TBC1D5: variants seen among roughly 807,000 people sequenced by gnomAD.
TBC1D5 encodes TBC1 domain family, member 5.
A neutral mutation model predicts 100.3 loss-of-function variants in TBC1D5; 75 were observed. The observed-to-expected ratio is 0.75, with a 90% CI of 0.62 to 0.91. The LOEUF is 0.91. Ranked by LOEUF, TBC1D5 falls within the 40% of genes least tolerant of loss-of-function variation. The pLI, the probability that TBC1D5 is intolerant of heterozygous loss-of-function variation, is 0.00. For synonymous variants in TBC1D5, 323 were observed against 325.6 expected, an observed-to-expected ratio of 0.99 and a Z score of 0.09; for missense variants, 910 against 942.4, an observed-to-expected ratio of 0.97 and a Z score of 0.45.
rs181570312 is a variant in TBC1D5, at chr3:17,316,879, T to C, written c.996-8745A>G. On this transcript the variant is annotated intron_variant, in intron 13 of 21. Transcript: ENST00000253692. ...CCCTGATTTGATCATAAGACTGGTA[T>C]GAAAAACTGAGAATCTTCATTTAAC... Among the ~76,000 whole-genome samples, 973 of 152,340 alleles carry C rather than the reference T, an allele frequency of 6.4e-3. 4 individuals carry two copies. Among genetic ancestry groups the C allele is most frequent in the Non-Finnish European group, 9.9e-3 (675 of 68,030 alleles).
At chr3:17,683,131 G>C (rs1453806834) in intron 1 of TBC1D5, among the ~76,000 whole-genome samples, 1 of 151,312 alleles carries the variant, frequency 6.6e-6, no homozygotes, top group South Asian at 2.1e-4. Flanking sequence ...TTGCTTTCTT[G>C]TCCTTTTTAT....
At chr3:17,574,318 C>A (rs1195157149) in intron 2 of TBC1D5, among the ~76,000 whole-genome samples, 4 of 152,004 alleles carry the variant, frequency 2.6e-5, no homozygotes, top group Admixed American at 1.3e-4. Context: ...GAATCTGTTG[C>A]CCTCTCTGCT....
At chr3:17,234,843 G>A (rs1188089553) in intron 17 of TBC1D5, among the ~76,000 whole-genome samples, 1 of 151,984 alleles carries the variant, frequency 6.6e-6, no homozygotes, top group Non-Finnish European at 1.5e-5. Flanking sequence ...CAGCTAATCC[G>A]GAAACTGTTA....
rs137970617 is a variant in TBC1D5 at position 17,306,660 on chromosome 3, G to A, written c.1138+1332C>T. ...TGCCAAAGTCAAAAAAGAGCAAATT[G>A]TAAACTGTTTACAATTACAGAAAAT... On this transcript the variant is annotated intron_variant, in intron 14 of 21. Coordinates refer to ENST00000253692, the Ensembl canonical transcript of TBC1D5. Among the ~76,000 whole-genome samples the A allele has an allele frequency of 5.6e-3, 860 of 152,214 alleles. 3 individuals carry two copies. The highest frequency in any genetic ancestry group is 0.014 in the Middle Eastern group (4 of 294).
chr3:17,721,217 G>T (rs2075671643), intron 1 of TBC1D5, among the ~76,000 whole-genome samples: 1 of 151,918 alleles, frequency 6.6e-6, no homozygotes, highest in Admixed American at 6.6e-5. Flanking sequence ...AAAAATCTAG[G>T]TCTATCAAAT....
intron 3 of TBC1D5, among the ~76,000 whole-genome samples, chr3:17,444,732 C>T (rs2094744818): frequency 6.6e-6 from 1 of 151,930 alleles, no homozygotes; most frequent in African/African-American, 2.4e-5. Context: ...AATATAAAGC[C>T]ACACATAATT....
chr3:17,258,720 G>A (rs1170950796), intron 15 of TBC1D5, 129 bp from the exon 16 acceptor site: 22 of 578,926 alleles, frequency 3.8e-5, no homozygotes, highest in Non-Finnish European at 3.0e-5. Flanking sequence ...AATAATTAGT[G>A]TGATTGGGTT....
chr3:17,652,348 A>C (rs1353392397), intron 1 of TBC1D5, among the ~76,000 whole-genome samples: 2 of 152,150 alleles, frequency 1.3e-5, no homozygotes, highest in Admixed American at 1.3e-4. Flanking sequence ...AATTATTTAT[A>C]AAGGAAGGCT....
At chr3:17,593,121 T>C (rs2060339174) in intron 2 of TBC1D5, among the ~76,000 whole-genome samples, 1 of 152,172 alleles carries the variant, frequency 6.6e-6, no homozygotes, top group African/African-American at 2.4e-5. Context: ...CCTGCCACCC[T>C]GCCTTCTCTC....
intron 2 of TBC1D5, among the ~76,000 whole-genome samples, chr3:17,580,004 A>T (rs888197700): frequency 6.6e-6 from 1 of 152,148 alleles, no homozygotes; most frequent in Non-Finnish European, 1.5e-5. Context: ...CATAAAGAAC[A>T]ATAGACACTT....
chr3:17,449,105 G>A (rs1447460022), intron 3 of TBC1D5, among the ~76,000 whole-genome samples: 2 of 152,148 alleles, frequency 1.3e-5, no homozygotes, highest in African/African-American at 4.8e-5. Flanking sequence ...AGCAGCATGG[G>A]GCACCACCTC....
At chr3:17,447,358 C>G (rs1199217168) in intron 3 of TBC1D5, among the ~76,000 whole-genome samples, 1 of 152,100 alleles carries the variant, frequency 6.6e-6, no homozygotes, top group South Asian at 2.1e-4. Flanking sequence ...CAAGAAAGAT[C>G]CAGTAGAAAC....
At chr3:17,247,995 T>TC (rs1029548489) in intron 16 of TBC1D5, among the ~76,000 whole-genome samples, 1 of 149,904 alleles carries the variant, frequency 6.7e-6, no homozygotes, top group African/African-American at 2.4e-5. Context: ...CTAATTTTTT[T>TC]TTTTTTTTTT....
At chr3:17,254,614 A>G (rs910875752) in intron 16 of TBC1D5, among the ~76,000 whole-genome samples, 2 of 152,112 alleles carry the variant, frequency 1.3e-5, no homozygotes, top group African/African-American at 4.8e-5. Context: ...ATTACTCCCA[A>G]GTATGTGACT....
intron 3 of TBC1D5, among the ~76,000 whole-genome samples, chr3:17,473,579 A>C (rs538234610): frequency 6.6e-6 from 1 of 152,224 alleles, no homozygotes; most frequent in Admixed American, 6.5e-5. Context: ...TTCTACAAAG[A>C]ATAAAATTTG....
chr3:17,588,416 T>C (rs561135262), intron 2 of TBC1D5, among the ~76,000 whole-genome samples: 2 of 152,250 alleles, frequency 1.3e-5, no homozygotes, highest in African/African-American at 4.8e-5. Context: ...TTTTTCTAGT[T>C]ATTCTCTTAG....
chr3:17,522,463 C>T (rs1290568466), intron 2 of TBC1D5, among the ~76,000 whole-genome samples: 1 of 152,008 alleles, frequency 6.6e-6, no homozygotes, highest in Non-Finnish European at 1.5e-5. Context: ...TAAAAGAACA[C>T]AATACATAGT....
chr3:17,239,699 C>T (rs936009434), intron 16 of TBC1D5, among the ~76,000 whole-genome samples: 5 of 152,150 alleles, frequency 3.3e-5, no homozygotes, highest in East Asian at 3.9e-4. Flanking sequence ...CATATTTTGT[C>T]TCTTGGCCAG....
Position 17,428,486 on chromosome 3 carries a change from G to A in TBC1D5, c.131C>T (p.Ser44Phe), listed in dbSNP as rs142659492. The A allele has an allele frequency of 6.0e-4, 900 of 1,506,940 alleles. 1 individual carries two copies. The highest frequency in any genetic ancestry group is 7.1e-4 in the Non-Finnish European group (800 of 1,126,334). 93.3% of individuals were successfully genotyped at this position (1,506,940 alleles called of 1,614,324 possible). ...AAAAGTCCCTTCAGAGTCTAAAGTA[G>A]AACTTGTTCTTCTTCCATTTTTATT... The change falls in exon 4 of 22, where the codon TCT becomes TTT. Residue 44 changes from serine (S) to phenylalanine (F), a missense_variant. By Grantham distance (155) the Ser-to-Phe change is radical. Coordinates refer to ENST00000253692, the Ensembl canonical transcript of TBC1D5.
Sources: allele counts gnomAD v4.1 joint callset (sites outside exome capture counted in the v4.1 genomes callset), GRCh38; gene constraint gnomAD v4.1.1; transcripts MANE v1.5; gene names NCBI Gene and HGNC (gene_info 2026-07-23, HGNC 2026-07-21).